NRG4: variants seen among roughly 807,000 people sequenced by gnomAD.
NRG4 encodes the protein pro-neuregulin-4, membrane-bound isoform.
In NRG4, 10 loss-of-function variants were observed where a neutral mutation model predicts 15.0. The ratio of observed to expected loss-of-function variants is 0.67; its 90% confidence interval spans 0.41 to 1.13. The LOEUF (loss-of-function observed/expected upper bound fraction) is 1.13. Among genes scored for constraint, NRG4 ranks in the 50% most tolerant of loss-of-function variants. The pLI, the probability that NRG4 is intolerant of heterozygous loss-of-function variation, is 0.00. For synonymous variants in NRG4, 41 were observed against 50.1 expected (o/e 0.82, Z 0.77); for missense variants, 139 against 140.2 (o/e 0.99, Z 0.04).
At chr15:75,989,097 A>G (rs2141866889) in intron 3 of NRG4, among the ~76,000 whole-genome samples, 1 of 152,168 alleles carries the variant, frequency 6.6e-6, no homozygotes, top group Non-Finnish European at 1.5e-5. Context: ...AGCTCAAGCA[A>G]TCCTCTCATC....
At chr15:75,940,590 T>TA (rs1304236265), downstream of NRG4, 2 of 152,092 alleles carry the variant, frequency 1.3e-5, no homozygotes, top group Non-Finnish European at 2.9e-5. Flanking sequence ...GTTTAAAACT[T>TA]ACTATAATGC....
intron 3 of NRG4, among the ~76,000 whole-genome samples, chr15:75,984,628 G>A (rs1478235541): frequency 2.6e-5 from 4 of 151,958 alleles, no homozygotes; most frequent in African/African-American, 9.7e-5. Context: ...CACACACCAG[G>A]GCCTACTGGG....
intron 4 of NRG4, among the ~76,000 whole-genome samples, chr15:76,038,584 G>A (rs1478820915): frequency 6.6e-6 from 1 of 152,222 alleles, no homozygotes; most frequent in Admixed American, 6.5e-5. Context: ...AGCCCACTCA[G>A]CCACAGTGGA....
chr15:76,003,478 G>A (rs2034486965), intron 3 of NRG4, among the ~76,000 whole-genome samples: 1 of 152,046 alleles, frequency 6.6e-6, no homozygotes, highest in Non-Finnish European at 1.5e-5. Context: ...TACCTATTGT[G>A]AGAGTTCCAA....
At chr15:76,014,271 A>C (rs1290850406), upstream of NRG4, among the ~76,000 whole-genome samples, 1 of 151,976 alleles carries the variant, frequency 6.6e-6, no homozygotes, top group Non-Finnish European at 1.5e-5. Context: ...AGATTGCAAA[A>C]ATTTTCTCCC....
chr15:75,991,266 AATG>A (rs988257699), intron 3 of NRG4, among the ~76,000 whole-genome samples: 2 of 152,200 alleles, frequency 1.3e-5, no homozygotes, highest in African/African-American at 2.4e-5. Flanking sequence ...TATGCAAATG[AATG>A]AGTGTGCCTT....
intron 5 of NRG4, among the ~76,000 whole-genome samples, chr15:75,947,497 A>C (rs1405198112): frequency 6.6e-6 from 1 of 152,166 alleles, no homozygotes; most frequent in Non-Finnish European, 1.5e-5. Context: ...CTTTGCAATA[A>C]TATTGCTATA....
At chr15:75,939,469 T>C (rs945728059), downstream of NRG4, 1 of 152,188 alleles carries the variant, frequency 6.6e-6, no homozygotes, top group Non-Finnish European at 1.5e-5. Context: ...TGGTTTTCAT[T>C]TGTGAATTCT....
At chr15:76,016,435 T>C (rs1438691086), upstream of NRG4, among the ~76,000 whole-genome samples, 1 of 152,196 alleles carries the variant, frequency 6.6e-6, no homozygotes, top group Non-Finnish European at 1.5e-5. Context: ...TGTTAGGGTG[T>C]CAATTTTAGA....
intron 3 of NRG4, among the ~76,000 whole-genome samples, chr15:75,986,072 G>A (rs1365223211): frequency 6.6e-6 from 1 of 152,162 alleles, no homozygotes; most frequent in African/African-American, 2.4e-5. Context: ...GTAACAGTGA[G>A]ATACCATTTC....
intron 3 of NRG4, among the ~76,000 whole-genome samples, chr15:75,980,352 A>G (rs1377282516): frequency 6.7e-6 from 1 of 150,244 alleles, no homozygotes; most frequent in East Asian, 2.0e-4. Context: ...TACTGGGTAA[A>G]TTCAAAATGA....
At chr15:75,952,893 T>A (rs2031993841) in intron 5 of NRG4, among the ~76,000 whole-genome samples, 1 of 152,216 alleles carries the variant, frequency 6.6e-6, no homozygotes, top group Non-Finnish European at 1.5e-5. Flanking sequence ...TTCAACTACA[T>A]ATATGTATTT....
At chr15:75,939,338 A>G (rs1352919774), downstream of NRG4, 1 of 152,160 alleles carries the variant, frequency 6.6e-6, no homozygotes. Context: ...AAAGTCCTAG[A>G]AATGCAAAAC....
chr15:76,017,155 C>CTTTTTTTTTTTTTTTTTTT (rs66838505), upstream of NRG4, among the ~76,000 whole-genome samples: 17 of 52,320 alleles, frequency 3.2e-4, no homozygotes, highest in East Asian at 8.9e-4. Context: ...CAACCCCTGC[C>CTTTTTTTTTTTTTTTTTTT]TTTTTTTTTT....
At chr15:75,968,045 C>T (rs1040093933) in intron 3 of NRG4, among the ~76,000 whole-genome samples, 2 of 152,170 alleles carry the variant, frequency 1.3e-5, no homozygotes, top group African/African-American at 4.8e-5. Flanking sequence ...GAGTAAGCAA[C>T]AGTAGTGTAA....
At chr15:75,971,271 G>T (rs771789417) in intron 3 of NRG4, 23 of 455,388 alleles carry the variant, frequency 5.1e-5, no homozygotes, top group South Asian at 3.6e-4. Flanking sequence ...TAAGGGTTTT[G>T]GTTTTACAGT....
chr15:76,024,496 GC>G (rs1339654114), intron 5 of NRG4, among the ~76,000 whole-genome samples: 22 of 152,302 alleles, frequency 1.4e-4, no homozygotes, highest in African/African-American at 5.1e-4. Context: ...CCTCAGGCCA[GC>G]TGAACAGCTG....
intron 5 of NRG4, among the ~76,000 whole-genome samples, chr15:76,021,184 A>G (rs938644984): frequency 6.6e-6 from 1 of 152,220 alleles, no homozygotes; most frequent in Non-Finnish European, 1.5e-5. Flanking sequence ...CCTGTGCTGT[A>G]TAAACAGAAC....
intron 3 of NRG4, among the ~76,000 whole-genome samples, chr15:76,004,154 C>T (rs966623759): frequency 6.6e-6 from 1 of 152,068 alleles, no homozygotes; most frequent in Non-Finnish European, 1.5e-5. Context: ...GACAGAGCTA[C>T]AAAGAAGCAG....
Sources: allele counts gnomAD v4.1 joint callset (sites outside exome capture counted in the v4.1 genomes callset), GRCh38; gene constraint gnomAD v4.1.1; transcripts MANE v1.5; gene names NCBI Gene and HGNC (gene_info 2026-07-23, HGNC 2026-07-21).